The following NCOR2 variants were observed in gnomAD, a reference collection of about 807,000 sequenced individuals.
The protein encoded by NCOR2 is nuclear receptor corepressor 2, also known as CTG repeat protein 26.
In NCOR2, 81 loss-of-function variants were observed where a neutral mutation model predicts 262.9. That is an observed-to-expected ratio of 0.31 (90% confidence interval 0.26 to 0.37). NCOR2 has a LOEUF of 0.37. NCOR2 is among the 10% of genes least tolerant of loss of function. The probability of loss-of-function intolerance (pLI) is 1.00; values close to 1 mark genes in which losing one functional copy is unlikely to be tolerated. For missense variants in NCOR2, 3,385 were observed against 3,621.4 expected, an observed-to-expected ratio of 0.93 and a Z score of 1.68; for synonymous variants, 1,659 against 1,559.3, an observed-to-expected ratio of 1.06 and a Z score of -1.51.
intron 17 of NCOR2, among the ~76,000 whole-genome samples, chr12:124,383,119 C>A (rs1565894762): frequency 6.6e-6 from 1 of 152,222 alleles, no homozygotes; most frequent in Non-Finnish European, 1.5e-5. Flanking sequence ...GTGTCTGGGG[C>A]ATACTAGGCC....
chr12:124,499,700 A>T (rs2136936559), upstream of NCOR2, among the ~76,000 whole-genome samples: 1 of 151,654 alleles, frequency 6.6e-6, no homozygotes, highest in African/African-American at 2.4e-5. Flanking sequence ...ATATGGGGGG[A>T]AGTGGGGACA....
intron 2 of NCOR2, among the ~76,000 whole-genome samples, chr12:124,485,193 A>C (rs2047711688): frequency 6.6e-6 from 1 of 152,200 alleles, no homozygotes; most frequent in South Asian, 2.1e-4. Context: ...GAACCTCCAA[A>C]TATAACATCC....
At chr12:124,327,865 A>C (rs2034823211) in intron 44 of NCOR2, among the ~76,000 whole-genome samples, 1 of 151,504 alleles carries the variant, frequency 6.6e-6, no homozygotes, top group Non-Finnish European at 1.5e-5. Context: ...GGTTCCTTCT[A>C]CCTGGGGCCC....
chr12:124,376,833 A>G (rs1350716201), intron 18 of NCOR2, among the ~76,000 whole-genome samples: 1 of 152,252 alleles, frequency 6.6e-6, no homozygotes, highest in Non-Finnish European at 1.5e-5. Flanking sequence ...GAAGGACCCC[A>G]GACGGGGCAG....
At chr12:124,500,176 G>A (rs1461486797), upstream of NCOR2, among the ~76,000 whole-genome samples, 1 of 139,788 alleles carries the variant, frequency 7.2e-6, no homozygotes, top group Non-Finnish European at 1.6e-5. Context: ...ATACCCAACG[G>A]GGACACCAAG....
intron 1 of NCOR2, among the ~76,000 whole-genome samples, chr12:124,526,944 C>T (rs1012328927): frequency 2.0e-5 from 3 of 152,160 alleles, no homozygotes; most frequent in Non-Finnish European, 2.9e-5. Flanking sequence ...ACAGAGAGTC[C>T]CCCAAGAGCC....
exon 17 of NCOR2, chr12:124,385,754 C>T: frequency 1.2e-6 from 2 of 1,613,726 alleles, no homozygotes; most frequent in Middle Eastern, 1.7e-4. Flanking sequence ...CCATCTTCAG[C>T]TTGTGCTGCT....
At chr12:124,527,238 GC>G (rs2050523877) in intron 1 of NCOR2, among the ~76,000 whole-genome samples, 1 of 152,084 alleles carries the variant, frequency 6.6e-6, no homozygotes, top group Non-Finnish European at 1.5e-5. Flanking sequence ...CACACAGCAC[GC>G]CCTGTAGGGT....
intron 41 of NCOR2, among the ~76,000 whole-genome samples, chr12:124,333,659 A>ACC (rs5801547): frequency 0.46 from 68,261 of 147,812 alleles, 18,584 homozygotes; most frequent in Non-Finnish European, 0.61. Context: ...CACACACATT[A>ACC]CCCCCCCCGC....
intron 14 of NCOR2, 115 bp from the exon 17 acceptor site, chr12:124,400,788 A>C: frequency 7.5e-7 from 1 of 1,325,720 alleles, no homozygotes; most frequent in Non-Finnish European, 1.0e-6. Context: ...CATGGCACTA[A>C]TCGGACGCTA....
intron 44 of NCOR2, chr12:124,329,044 G>A (rs960120816): frequency 4.3e-6 from 2 of 463,076 alleles, no homozygotes; most frequent in Non-Finnish European, 8.9e-6. Context: ...CCACGAGTCC[G>A]TGACCTGATG....
chr12:124,521,069 G>C (rs1006064756), intron 1 of NCOR2, among the ~76,000 whole-genome samples: 1 of 152,292 alleles, frequency 6.6e-6, no homozygotes, highest in Admixed American at 6.5e-5. Context: ...TGCCTCTCTC[G>C]CAACCCAGGT....
intron 1 of NCOR2, among the ~76,000 whole-genome samples, chr12:124,534,660 C>T (rs143823696): frequency 2.5e-4 from 38 of 152,336 alleles, no homozygotes; most frequent in African/African-American, 8.7e-4. Context: ...GCAATGCCCT[C>T]AGCGACCATC....
intron 44 of NCOR2, chr12:124,328,554 G>A (rs191564222): frequency 8.0e-5 from 12 of 150,222 alleles, no homozygotes; most frequent in African/African-American, 3.0e-4. Context: ...TGTGAACCAC[G>A]TGGAGGTGGG....
At chr12:124,363,539 CCACGGGGATTTCTCCAGGAAA>C in intron 21 of NCOR2, 119 bp downstream of exon 23, 4 of 889,622 alleles carry the variant, frequency 4.5e-6, no homozygotes, top group Admixed American at 6.2e-5. Context: ...CACCTCAGCT[CCACGGGGATTTCTCCAGGAAA>C]CAGAAGCGGA....
intron 16 of NCOR2, among the ~76,000 whole-genome samples, chr12:124,396,724 G>C (rs1225618481): frequency 2.0e-5 from 3 of 152,074 alleles, no homozygotes; most frequent in Non-Finnish European, 4.4e-5. Context: ...CGAGGGGCAG[G>C]GTCCCGGGGT....
At position 124,566,200 on chromosome 12, in the gene NCOR2, G is replaced by A. The variant is rs2052231357; in HGVS notation, c.-165+1108C>T. On this transcript the variant is annotated intron_variant, in intron 1 of 32. Transcript: ENST00000458234. The surrounding 1 kb of genome is among the most constrained non-coding windows in gnomAD (Gnocchi z 4.3). The stretch of plus-strand genomic sequence containing the variant: ...AATAATAATAATCACAATAAAACCA[G>A]TTCTCACCAACGGGGGAGAGGAGGA... 1.3e-5 allele frequency among the ~76,000 whole-genome samples: 2 copies of A among 152,096 alleles called. No individual in the cohort carries two copies. Among genetic ancestry groups the A allele is most frequent in the Non-Finnish European group, 2.9e-5 (2 of 68,024 alleles).
chr12:124,325,378 C>CCGGGGGG, exon 47 of NCOR2: 1 of 232,296 alleles, frequency 4.3e-6, no homozygotes, highest in Non-Finnish European at 6.5e-6. Flanking sequence ...CCTGACACCG[C>CCGGGGGG]CCCCCCCCCC....
chr12:124,393,569 G>A (rs193002145), intron 16 of NCOR2, among the ~76,000 whole-genome samples: 43 of 152,344 alleles, frequency 2.8e-4, no homozygotes, highest in Non-Finnish European at 2.2e-4. Flanking sequence ...CCCCTGCCAT[G>A]GGGCCTTTGC....
Sources: allele counts gnomAD v4.1 joint callset (sites outside exome capture counted in the v4.1 genomes callset), GRCh38; gene constraint gnomAD v4.1.1; non-coding constraint Gnocchi (gnomAD v3.1); transcripts MANE v1.5; gene names NCBI Gene and HGNC (gene_info 2026-07-23, HGNC 2026-07-21).